LGI2: variants seen among roughly 807,000 people sequenced by gnomAD.
LGI2 encodes the protein leucine-rich repeat LGI family member 2.
Under a neutral mutation model 52.0 loss-of-function variants are expected in LGI2, and 30 were observed. That is an observed-to-expected ratio of 0.58 (90% CI 0.43 to 0.78). The LOEUF (loss-of-function observed/expected upper bound fraction) is 0.78, where lower values mean the gene tolerates loss of function less well. Among genes scored for constraint, LGI2 ranks in the 30% least tolerant of loss-of-function variants. LGI2 has a pLI of 0.00. For synonymous variants in LGI2, 270 were observed against 271.8 expected (o/e 0.99, Z 0.06); for missense variants, 573 against 692.5 (o/e 0.83, Z 1.94).
rs1449579101 is a variant in LGI2, at chr4:24,999,945, C to T, written c.*3506G>A. ...TGACAAGAACCAGATGTGTCTCAAC[C>T]TCAACATCCTCCCCATAGCTATGCA... On this transcript the variant is annotated 3_prime_UTR_variant, in exon 8 of 8. Transcript: ENST00000382114. The T allele has an allele frequency of 2.2e-6, 1 of 445,364 alleles. No homozygotes were observed. The highest frequency in any genetic ancestry group is 2.4e-5 in the Admixed American group (1 of 41,906). 27.6% of individuals were successfully genotyped at this position (445,364 alleles called of 1,614,324 possible).
chr4:25,006,659 T>C (rs1267096636), intron 7 of LGI2, among the ~76,000 whole-genome samples: 2 of 152,218 alleles, frequency 1.3e-5, no homozygotes, highest in African/African-American at 2.4e-5. Context: ...AGTGTGTAGG[T>C]ATGACCAGGC....
At chr4:24,992,419 A>C in the LGI2 span, among the ~76,000 whole-genome samples, 1 of 152,076 alleles carries the variant, frequency 6.6e-6, no homozygotes, top group African/African-American at 2.4e-5. Flanking sequence ...TCAGCAGAAA[A>C]GGCTGGGCTT....
At position 25,003,950 on chromosome 4, in the gene LGI2, T is replaced by C. The variant is rs535465675; in HGVS notation, c.1139A>G (p.Asp380Gly). The change falls in exon 8 of 8, where the codon GAT becomes GGT. Residue 380 changes from aspartate (D) to glycine (G), a missense_variant. Coordinates refer to ENST00000382114, the MANE Select transcript of LGI2 (RefSeq NM_018176.4). ...GATGAGATGCGATTTTCCATCGATA[T>C]CAACAAACTCCGCATCCGTGTCCCT... is the stretch of plus-strand genomic sequence containing the variant. ...WFRDTDAEFV[D>G]IDGKSHLILS... 2.5e-6 allele frequency: 4 copies of C among 1,614,140 alleles called. No homozygotes were observed. The Admixed American group carries it at 5.0e-5, about 20-fold the overall frequency.
chr4:25,014,898 T>C (rs1295918410), intron 6 of LGI2, among the ~76,000 whole-genome samples: 1 of 148,418 alleles, frequency 6.7e-6, no homozygotes, highest in Non-Finnish European at 1.5e-5. Flanking sequence ...TTGATGCATA[T>C]ATATTTGTGG....
chr4:25,021,191 T>G (rs1725946019), intron 4 of LGI2, among the ~76,000 whole-genome samples: 1 of 152,194 alleles, frequency 6.6e-6, no homozygotes, highest in African/African-American at 2.4e-5. Context: ...GATGGATTAT[T>G]TATCCCACTC....
At chr4:25,014,918 G>A (rs1366268161) in intron 6 of LGI2, among the ~76,000 whole-genome samples, 1 of 151,058 alleles carries the variant, frequency 6.6e-6, no homozygotes, top group African/African-American at 2.4e-5. Context: ...GGTATCAGAG[G>A]ACCAGAGGAA....
chr4:25,014,576 A>C (rs567190072), intron 6 of LGI2, among the ~76,000 whole-genome samples: 1 of 148,980 alleles, frequency 6.7e-6, no homozygotes, highest in South Asian at 2.1e-4. Flanking sequence ...TTGTGCCTGT[A>C]ATCCTGGCAG....
In LGI2 at chr4:25,026,889, C is replaced by G; in HGVS notation, c.320G>C (p.Gly107Ala). Reference protein sequence around the residue: ...FTIIRDDAFAGLFHLEYLFIE... With the variant: ...FTIIRDDAFAALFHLEYLFIE... ...TTACAGGTATTCAAGATGAAAAAGT[C>G]CAGCAAAAGCATCATCCCGGATGAT... Residue 107 changes from glycine (G) to alanine (A), a missense_variant, in exon 3 of 8, where the codon GGA (glycine) becomes GCA (alanine). Physicochemically the swap from Gly to Ala is moderately conservative, Grantham distance 60. Coordinates refer to ENST00000382114, the MANE Select transcript of LGI2 (RefSeq NM_018176.4). 2.5e-6 allele frequency: 4 copies of G among 1,613,430 alleles called. No homozygotes were observed. Among genetic ancestry groups the G allele is most frequent in the Non-Finnish European group, 2.5e-6 (3 of 1,179,378 alleles).
At chr4:25,016,957 C>T (rs1725783001) in intron 6 of LGI2, among the ~76,000 whole-genome samples, 2 of 152,046 alleles carry the variant, frequency 1.3e-5, no homozygotes, top group South Asian at 2.1e-4. Context: ...CTGTAGAAAC[C>T]CCACCTAAGC....
At chr4:25,013,004 C>T (rs148362792) in intron 6 of LGI2, among the ~76,000 whole-genome samples, 1 of 152,272 alleles carries the variant, frequency 6.6e-6, no homozygotes, top group African/African-American at 2.4e-5. Context: ...CCTTTATCTC[C>T]AGTTCTTATA....
At chr4:25,025,540 T>C (rs996726327) in intron 3 of LGI2, among the ~76,000 whole-genome samples, 3 of 152,160 alleles carry the variant, frequency 2.0e-5, no homozygotes, top group African/African-American at 7.2e-5. Context: ...CCCCACAGGG[T>C]TGGCACATGG....
At chr4:24,995,551 G>A (rs903817116), downstream of LGI2, among the ~76,000 whole-genome samples, 1 of 152,132 alleles carries the variant, frequency 6.6e-6, no homozygotes, top group Non-Finnish European at 1.5e-5. Context: ...TCTCCCACAT[G>A]GGCCCCTCAA....
At chr4:25,015,182 A>G (rs1400382370) in intron 6 of LGI2, among the ~76,000 whole-genome samples, 13 of 152,260 alleles carry the variant, frequency 8.5e-5, no homozygotes, top group Admixed American at 7.2e-4. Flanking sequence ...TATTTATAGC[A>G]CTTGCAGAAA....
Position 25,004,345 on chromosome 4 carries a change from T to TCCCACCAGCAGTGTATAAGA in LGI2, c.821-78_821-77insTCTTATACACTGCTGGTGGG. 7.8e-7 allele frequency: 1 copy of TCCCACCAGCAGTGTATAAGA among 1,278,706 alleles called. No individual in the cohort carries two copies. Among genetic ancestry groups the TCCCACCAGCAGTGTATAAGA allele is most frequent in the Non-Finnish European group, 1.1e-6 (1 of 926,512 alleles). The allele number at this position is 1,278,706 out of a possible 1,614,324, so 79.2% of individuals were successfully genotyped here. ...CATCTCCGCTTGTACTCTTATACAC[T>TCCCACCAGCAGTGTATAAGA]GCTGGTGGGAGTGTGAAATGGCACA... On this transcript the variant is annotated intron_variant, in intron 7 of 7. Coordinates refer to ENST00000382114, the MANE Select transcript of LGI2 (RefSeq NM_018176.4). The surrounding 1 kb of genome is among the most constrained non-coding windows in gnomAD (Gnocchi z 4.6).
rs1399444119 is a variant in LGI2, at chr4:25,003,218, A to G, written c.*233T>C. The G allele has an allele frequency of 2.3e-6, 1 of 437,400 alleles. No individual in the cohort carries two copies. The highest frequency in any genetic ancestry group is 2.0e-5 in the African/African-American group (1 of 48,956). 27.1% of individuals were successfully genotyped at this position (437,400 alleles called of 1,614,324 possible). A position where few individuals can be genotyped will look rare whatever the true frequency, so the allele number is the denominator to read the frequency against. ...TAAATGCTGTACTCTTTTCTCAGAA[A>G]TTACAGGCTTTAAGATTTTTTTTTA... On this transcript the variant is annotated 3_prime_UTR_variant, in exon 8 of 8. Transcript: ENST00000382114.
chr4:25,016,324 C>T (rs1377659690), intron 6 of LGI2, among the ~76,000 whole-genome samples: 9 of 152,206 alleles, frequency 5.9e-5, no homozygotes, highest in Admixed American at 1.3e-4. Context: ...CAAATTTCAC[C>T]TTGGTGTTTC....
At chr4:25,011,616 C>T (rs548182018) in intron 7 of LGI2, among the ~76,000 whole-genome samples, 1 of 152,204 alleles carries the variant, frequency 6.6e-6, no homozygotes, top group Non-Finnish European at 1.5e-5. Flanking sequence ...ACATCAGGAA[C>T]CTCTAAAGGA....
chr4:24,992,563 A>T, the LGI2 span, among the ~76,000 whole-genome samples: 3 of 152,114 alleles, frequency 2.0e-5, no homozygotes, highest in African/African-American at 2.4e-5. Flanking sequence ...AAAATAAAAA[A>T]AAATAAAAAA....
intron 7 of LGI2, among the ~76,000 whole-genome samples, chr4:25,009,384 C>T (rs1725501264): frequency 6.6e-6 from 1 of 152,160 alleles, no homozygotes; most frequent in South Asian, 2.1e-4. Flanking sequence ...TCCAATCCCA[C>T]AGGTCTTATT....
Sources: allele counts gnomAD v4.1 joint callset (sites outside exome capture counted in the v4.1 genomes callset), GRCh38; gene constraint gnomAD v4.1.1; non-coding constraint Gnocchi (gnomAD v3.1); transcripts MANE v1.5; gene names NCBI Gene and HGNC (gene_info 2026-07-23, HGNC 2026-07-21).